WDR7: variants seen among roughly 807,000 people sequenced by gnomAD.
WDR7 encodes WD repeat-containing protein 7.
A neutral mutation model predicts 169.4 loss-of-function variants in WDR7; 46 were observed. The ratio of observed to expected loss-of-function variants is 0.27; its 90% CI spans 0.21 to 0.35. The LOEUF is 0.35. WDR7 is among the 10% of genes least tolerant of loss of function. The pLI is 1.00. For synonymous variants in WDR7, 612 were observed against 666.8 expected (o/e 0.92, Z 1.27); for missense variants, 1,534 against 1,859.3 (o/e 0.83, Z 3.22).
At chr18:56,916,318 C>T (rs1433562744) in intron 21 of WDR7, among the ~76,000 whole-genome samples, 1 of 150,934 alleles carries the variant, frequency 6.6e-6, no homozygotes, top group African/African-American at 2.4e-5. Flanking sequence ...CTTCCTGTGT[C>T]CAAGTGTTCT....
At chr18:56,831,235 A>T (rs1164821327) in intron 20 of WDR7, among the ~76,000 whole-genome samples, 1 of 152,142 alleles carries the variant, frequency 6.6e-6, no homozygotes, top group Non-Finnish European at 1.5e-5. Flanking sequence ...TGGGAGGAAG[A>T]GTAAGTGGTT....
chr18:56,921,418 TCTTTA>T (rs2046718038), intron 21 of WDR7, among the ~76,000 whole-genome samples: 2 of 152,348 alleles, frequency 1.3e-5, no homozygotes, highest in East Asian at 3.9e-4. Context: ...ACTGTAGGGA[TCTTTA>T]CTTTATGTTA....
chr18:56,789,211 TTGAG>T (rs1301350104), intron 19 of WDR7, among the ~76,000 whole-genome samples: 2 of 152,260 alleles, frequency 1.3e-5, no homozygotes, highest in Non-Finnish European at 2.9e-5. Flanking sequence ...CTTGGGTTCT[TTGAG>T]TTAACATTTA....
At chr18:56,779,673 T>C (rs2044289707) in intron 18 of WDR7, 124 bp downstream of exon 18, 1 of 699,482 alleles carries the variant, frequency 1.4e-6, no homozygotes, top group Admixed American at 3.2e-5. Context: ...TGATAGAAAA[T>C]GTGGATTCAT....
intron 1 of WDR7, among the ~76,000 whole-genome samples, 162 bp from the exon 2 acceptor site, chr18:56,672,335 T>A (rs2025153281): frequency 6.6e-6 from 1 of 152,106 alleles, no homozygotes; most frequent in Non-Finnish European, 1.5e-5. Context: ...GTAGTTATAA[T>A]AAACTAGTCG....
intron 22 of WDR7, among the ~76,000 whole-genome samples, chr18:56,928,116 A>C (rs1448416056): frequency 6.6e-6 from 1 of 152,178 alleles, no homozygotes; most frequent in Non-Finnish European, 1.5e-5. Flanking sequence ...ATTTTTAGCT[A>C]ATTTTATTTG....
At chr18:56,961,277 T>C (rs2047335649) in intron 25 of WDR7, among the ~76,000 whole-genome samples, 1 of 152,108 alleles carries the variant, frequency 6.6e-6, no homozygotes, top group Non-Finnish European at 1.5e-5. Context: ...TCCCATGCCC[T>C]GGTATATCTA....
At chr18:56,949,508 A>T (rs946369525) in intron 25 of WDR7, among the ~76,000 whole-genome samples, 1 of 152,216 alleles carries the variant, frequency 6.6e-6, no homozygotes, top group African/African-American at 2.4e-5. Context: ...CTGTTGCAGT[A>T]TATTGTTTTG....
chr18:56,861,066 G>A (rs991727740), intron 20 of WDR7, among the ~76,000 whole-genome samples: 5 of 151,886 alleles, frequency 3.3e-5, no homozygotes, highest in Non-Finnish European at 7.4e-5. Flanking sequence ...TTAAAAATAT[G>A]AATTTTTAAA....
At chr18:56,678,565 C>T (rs560669413) in intron 2 of WDR7, among the ~76,000 whole-genome samples, 3 of 152,154 alleles carry the variant, frequency 2.0e-5, no homozygotes, top group African/African-American at 7.2e-5. Context: ...GGAGCGATCT[C>T]GGCTCACTGC....
chr18:56,895,481 T>C (rs1164363419), intron 21 of WDR7, among the ~76,000 whole-genome samples: 1 of 70,714 alleles, frequency 1.4e-5, no homozygotes, highest in Admixed American at 1.8e-4. Context: ...CTTGGATTTT[T>C]TTAAAAATTT....
intron 22 of WDR7, among the ~76,000 whole-genome samples, chr18:56,927,793 A>G (rs766031159): frequency 1.3e-5 from 2 of 152,248 alleles, no homozygotes; most frequent in African/African-American, 2.4e-5. Flanking sequence ...GAAAAGAACA[A>G]CATTAGGTTT....
intron 19 of WDR7, among the ~76,000 whole-genome samples, chr18:56,786,287 T>G (rs113652626): frequency 0.074 from 11,222 of 152,008 alleles, 500 homozygotes; most frequent in East Asian, 0.18. Context: ...TCCTAGCACT[T>G]TGGGAGGCCG....
chr18:56,832,889 G>A (rs145050191), intron 20 of WDR7, among the ~76,000 whole-genome samples: 2,681 of 152,138 alleles, frequency 0.018, 29 homozygotes, highest in Middle Eastern at 0.048. Flanking sequence ...AAAAACCAGC[G>A]CAAAAAGGCT....
intron 5 of WDR7, among the ~76,000 whole-genome samples, chr18:56,684,957 A>G (rs1016523007): frequency 6.6e-6 from 1 of 152,200 alleles, no homozygotes; most frequent in Non-Finnish European, 1.5e-5. Context: ...ATTAGTTACA[A>G]TGAATCTTTT....
intron 14 of WDR7, among the ~76,000 whole-genome samples, chr18:56,750,341 A>G (rs1008709094): frequency 1.3e-5 from 2 of 152,176 alleles, no homozygotes; most frequent in African/African-American, 4.8e-5. Flanking sequence ...TACCCTTCTA[A>G]GTAAGTGTGT....
chr18:56,974,623 G>T (rs537502800), intron 26 of WDR7, among the ~76,000 whole-genome samples: 2 of 152,184 alleles, frequency 1.3e-5, no homozygotes, highest in East Asian at 3.8e-4. Flanking sequence ...TTGCTCATGT[G>T]CTAGGCACCA....
chr18:56,828,619 C>T (rs998307603), intron 20 of WDR7, among the ~76,000 whole-genome samples: 2 of 152,044 alleles, frequency 1.3e-5, no homozygotes, highest in Non-Finnish European at 2.9e-5. Flanking sequence ...AGGATCTTCA[C>T]CATACTATCA....
intron 19 of WDR7, among the ~76,000 whole-genome samples, chr18:56,794,304 A>ATTTCTTTTTTTTTTTTT (rs2044543681): frequency 2.0e-5 from 1 of 49,466 alleles, no homozygotes; most frequent in Non-Finnish European, 3.8e-5. Context: ...GGTAAAGTCT[A>ATTTCTTTTTTTTTTTTT]TTTTTTTTTT....
Sources: gnomAD v4.1 joint callset for allele counts (sites outside exome capture counted in the v4.1 genomes callset) on GRCh38, gnomAD v4.1.1 for gene constraint, MANE v1.5 for transcripts, NCBI Gene and HGNC (gene_info 2026-07-23, HGNC 2026-07-21) for gene names.